The following DOCK1 variants were observed in gnomAD, a reference collection of about 807,000 sequenced individuals.
DOCK1 encodes dedicator of cytokinesis 1, also known as dedicator of cytokinesis protein 1.
In DOCK1, 138 loss-of-function variants were observed where a neutral mutation model predicts 262.7. The observed-to-expected ratio is 0.53, with a 90% confidence interval of 0.46 to 0.61. DOCK1 has a LOEUF of 0.61. Among genes scored for constraint, DOCK1 ranks in the 20% least tolerant of loss-of-function variants. The probability of loss-of-function intolerance (pLI) is 0.00; values close to 1 mark genes in which losing one functional copy is unlikely to be tolerated. For synonymous variants in DOCK1, 866 were observed against 867.4 expected, an observed-to-expected ratio of 1.00 and a Z score of 0.03; for missense variants, 1,908 against 2,370.7, an observed-to-expected ratio of 0.80 and a Z score of 4.05.
At chr10:127,030,834 C>G (rs1461646864) in intron 16 of DOCK1, among the ~76,000 whole-genome samples, 1 of 151,726 alleles carries the variant, frequency 6.6e-6, no homozygotes, top group East Asian at 1.9e-4. Flanking sequence ...ATCTCTATCT[C>G]TGTCTCTCTG....
At chr10:127,348,796 A>T (rs1276413473) in intron 31 of DOCK1, among the ~76,000 whole-genome samples, 1 of 152,188 alleles carries the variant, frequency 6.6e-6, no homozygotes, top group Non-Finnish European at 1.5e-5. Context: ...TCTAGATACT[A>T]CCTTTAAGGA....
chr10:127,204,668 TACTC>T (rs1376792217), intron 27 of DOCK1, among the ~76,000 whole-genome samples: 1 of 152,226 alleles, frequency 6.6e-6, no homozygotes, highest in Non-Finnish European at 1.5e-5. Flanking sequence ...ACAGATCTGT[TACTC>T]AGTACAAAGT....
chr10:127,010,028 C>G (rs751414857), intron 11 of DOCK1, among the ~76,000 whole-genome samples: 2 of 152,180 alleles, frequency 1.3e-5, no homozygotes, highest in Non-Finnish European at 2.9e-5. Context: ...ACAGCAAACC[C>G]TGCGTTATTG....
intron 10 of DOCK1, among the ~76,000 whole-genome samples, chr10:127,006,098 T>C (rs920997949): frequency 2.2e-4 from 34 of 152,300 alleles, no homozygotes; most frequent in African/African-American, 7.2e-4. Context: ...TCCTGGGGCT[T>C]GAAGCATCCC....
chr10:127,050,284 A>G (rs2135717772), intron 21 of DOCK1, among the ~76,000 whole-genome samples: 1 of 151,344 alleles, frequency 6.6e-6, no homozygotes, highest in African/African-American at 2.4e-5. Context: ...ATTATAATAG[A>G]TATTTCCAAA....
chr10:127,009,699 A>C (rs2041287145), intron 11 of DOCK1, among the ~76,000 whole-genome samples: 1 of 152,120 alleles, frequency 6.6e-6, no homozygotes, highest in Non-Finnish European at 1.5e-5. Flanking sequence ...TTCAGACTTG[A>C]AACACATTTC....
chr10:127,414,308 A>G (rs2068033319), intron 43 of DOCK1, among the ~76,000 whole-genome samples: 1 of 152,122 alleles, frequency 6.6e-6, no homozygotes, highest in Non-Finnish European at 1.5e-5. Context: ...CAGTGCAGGG[A>G]GGTTGGAATG....
At chr10:127,299,355 C>T (rs1192591871) in intron 29 of DOCK1, among the ~76,000 whole-genome samples, 4 of 152,196 alleles carry the variant, frequency 2.6e-5, no homozygotes, top group African/African-American at 9.7e-5. Flanking sequence ...CCACCTGCCT[C>T]GGCCCTCCAA....
At chr10:127,338,269 C>T (rs2063286058) in intron 29 of DOCK1, among the ~76,000 whole-genome samples, 1 of 152,178 alleles carries the variant, frequency 6.6e-6, no homozygotes, top group South Asian at 2.1e-4. Flanking sequence ...CGTTATAAAA[C>T]AAATCTGTTG....
chr10:127,260,103 A>G (rs2059969220), intron 29 of DOCK1, among the ~76,000 whole-genome samples: 1 of 152,108 alleles, frequency 6.6e-6, no homozygotes, highest in Non-Finnish European at 1.5e-5. Context: ...ACCAGTGGCA[A>G]CCTTCCCTGG....
At position 127,248,096 on chromosome 10, in the gene DOCK1, G is replaced by C. The variant is rs916062123; in HGVS notation, c.2936G>C (p.Arg979Thr). 2.0e-5 allele frequency: 33 copies of C among 1,613,798 alleles called. No homozygotes were observed. Among genetic ancestry groups the C allele is most frequent in the Non-Finnish European group, 5.1e-6 (6 of 1,179,866 alleles). ...AHLIKTFGKM[R>T]TDVVDFLMET... Reference sequence around the variant, plus strand: ...TTGATCAAGACTTTTGGGAAAATGAGGACTGATGTGGTAGTAAGTGTCCCT... The same window carrying C: ...TTGATCAAGACTTTTGGGAAAATGACGACTGATGTGGTAGTAAGTGTCCCT... The change falls in exon 28 of 52, where the codon AGG (arginine) becomes ACG (threonine). Residue 979 changes from arginine to threonine, a missense_variant. By Grantham distance (71) the Arg-to-Thr change is moderately conservative (BLOSUM62 -1). Coordinates refer to ENST00000623213, the MANE Select transcript of DOCK1 (RefSeq NM_001290223.2).
intron 38 of DOCK1, among the ~76,000 whole-genome samples, chr10:127,391,272 A>G (rs1401098452): frequency 2.6e-5 from 4 of 152,298 alleles, no homozygotes; most frequent in Non-Finnish European, 4.4e-5. Context: ...AGCTGTCAAG[A>G]CTACGGCAGT....
chr10:127,307,730 C>G lies in DOCK1; in HGVS notation c.3045-31276C>G, dbSNP rs141559203. 6.9e-3 allele frequency among the ~76,000 whole-genome samples: 1,050 copies of G among 152,338 alleles called. 6 individuals carry two copies. Among genetic ancestry groups the G allele is most frequent in the Non-Finnish European group, 0.01 (688 of 68,036 alleles). On this transcript the variant is annotated intron_variant, in intron 29 of 51. Coordinates refer to ENST00000623213, the MANE Select transcript of DOCK1 (RefSeq NM_001290223.2). ...TGCCCCAACCCCACTCTGAGTTCAG[C>G]GCACATCCTGGTGTGAACGCCACCA... is the stretch of plus-strand genomic sequence containing the variant.
intron 23 of DOCK1, among the ~76,000 whole-genome samples, chr10:127,102,920 T>A (rs1374446746): frequency 6.6e-6 from 1 of 152,214 alleles, no homozygotes; most frequent in East Asian, 1.9e-4. Context: ...AAAGGCATAA[T>A]GCATTCATCC....
At position 127,026,404 on chromosome 10, in the gene DOCK1, G is replaced by T. The variant is rs754326476; in HGVS notation, c.1604G>T (p.Arg535Leu). The T allele has an allele frequency of 1.8e-5, 28 of 1,579,558 alleles. No individual in the cohort carries two copies. The Admixed American group carries it at 3.1e-4, about 17-fold the overall frequency. The change falls in exon 16 of 52, where the codon CGC becomes CTC. Residue 535 changes from arginine to leucine, a missense_variant. Transcript: ENST00000623213. ...VNRSHLRFTF[R>L]HRSSQDSKDK... ...CGCAGTCACCTTCGGTTTACCTTCC[G>T]CCACAGGTCATCACAGGACTGTGAG...
intron 25 of DOCK1, among the ~76,000 whole-genome samples, chr10:127,111,491 A>G (rs1054458902): frequency 2.6e-5 from 4 of 152,132 alleles, no homozygotes; most frequent in African/African-American, 9.7e-5. Context: ...CCATTGAGCT[A>G]TTATTCCTGA....
chr10:127,340,952 C>A (rs925659578), intron 30 of DOCK1, among the ~76,000 whole-genome samples: 1 of 152,070 alleles, frequency 6.6e-6, no homozygotes, highest in Non-Finnish European at 1.5e-5. Flanking sequence ...TTTCATTTTT[C>A]TGTAGTGAAA....
chr10:127,204,096 G>T (rs1217159444), intron 27 of DOCK1, among the ~76,000 whole-genome samples: 1 of 151,948 alleles, frequency 6.6e-6, no homozygotes, highest in Non-Finnish European at 1.5e-5. Context: ...TCTCCCCCTT[G>T]CCTGGACGGA....
intron 27 of DOCK1, among the ~76,000 whole-genome samples, chr10:127,194,896 A>AGT (rs2134149648): frequency 1.3e-5 from 1 of 79,356 alleles, no homozygotes; most frequent in African/African-American, 3.8e-5. Flanking sequence ...ACAAGGTCAA[A>AGT]GTAAACCGCT....
Sources: allele counts gnomAD v4.1 joint callset (sites outside exome capture counted in the v4.1 genomes callset), GRCh38; gene constraint gnomAD v4.1.1; transcripts MANE v1.5; gene names NCBI Gene and HGNC (gene_info 2026-07-23, HGNC 2026-07-21).